CCBE1: variants seen among roughly 807,000 people sequenced by gnomAD.
The protein encoded by CCBE1 is collagen and calcium-binding EGF domain-containing protein 1.
Under a neutral mutation model 50.0 loss-of-function variants are expected in CCBE1, and 37 were observed. That is an observed-to-expected ratio of 0.74 (90% CI 0.57 to 0.97). The LOEUF is 0.97. Ranked by LOEUF, CCBE1 falls within the 50% of genes least tolerant of loss-of-function variation. The pLI is 0.00. For missense variants in CCBE1, 538 were observed against 523.8 expected, an observed-to-expected ratio of 1.03 and a Z score of -0.26; for synonymous variants, 234 against 203.7, an observed-to-expected ratio of 1.15 and a Z score of -1.27.
At chr18:59,534,778 T>A (rs1915184424) in intron 2 of CCBE1, among the ~76,000 whole-genome samples, 1 of 152,230 alleles carries the variant, frequency 6.6e-6, no homozygotes, top group Non-Finnish European at 1.5e-5. Context: ...GCCCCAGATC[T>A]AGAGCTGCGT....
chr18:59,697,595 G>C (rs1023498038), upstream of CCBE1: 1 of 526,014 alleles, frequency 1.9e-6, no homozygotes, highest in Non-Finnish European at 3.4e-6. Flanking sequence ...TCCGGCTGGC[G>C]CGAGGGCCCT....
chr18:59,457,037 G>T (rs1291073555), intron 5 of CCBE1, among the ~76,000 whole-genome samples: 1 of 152,220 alleles, frequency 6.6e-6, no homozygotes, highest in Non-Finnish European at 1.5e-5. Context: ...CAGTGTAATT[G>T]TTGAATATAC....
intron 2 of CCBE1, among the ~76,000 whole-genome samples, chr18:59,493,714 G>A (rs918947103): frequency 4.6e-5 from 7 of 152,120 alleles, no homozygotes; most frequent in Non-Finnish European, 8.8e-5. Context: ...TGGTAAACGA[G>A]CAATGTGGGA....
chr18:59,473,085 T>C lies in CCBE1; in HGVS notation c.266-3478A>G, dbSNP rs115388980. ...TGGGTGGGGACACAGCCAAACCATA[T>C]ATCCATGTCTTTCTCTCTTCCAGTT... On this transcript the variant is annotated intron_variant, in intron 3 of 10. Transcript: ENST00000439986. 7.9e-3 allele frequency among the ~76,000 whole-genome samples: 1,200 copies of C among 152,306 alleles called. 13 individuals carry two copies. The highest frequency in any genetic ancestry group is 0.027 in the African/African-American group (1,141 of 41,560).
chr18:59,451,020 A>C (rs989433107), intron 6 of CCBE1, among the ~76,000 whole-genome samples: 2 of 152,180 alleles, frequency 1.3e-5, no homozygotes, highest in Non-Finnish European at 2.9e-5. Context: ...CTAAATTCTC[A>C]GGCCTGACTG....
intron 2 of CCBE1, among the ~76,000 whole-genome samples, chr18:59,676,911 G>T (rs2054512034): frequency 1.3e-5 from 2 of 152,206 alleles, no homozygotes; most frequent in South Asian, 4.1e-4. Flanking sequence ...GTAATAGCCT[G>T]AGACAGGAAA....
intron 2 of CCBE1, among the ~76,000 whole-genome samples, chr18:59,586,081 G>A (rs2053174113): frequency 6.6e-6 from 1 of 152,174 alleles, no homozygotes; most frequent in Non-Finnish European, 1.5e-5. Context: ...GGTGACATAT[G>A]TACATGTAAA....
chr18:59,671,377 A>T (rs993641943), intron 2 of CCBE1, among the ~76,000 whole-genome samples: 2 of 151,944 alleles, frequency 1.3e-5, no homozygotes, highest in Admixed American at 1.3e-4. Flanking sequence ...AGGCGTCTAT[A>T]GTCCCAGCTG....
chr18:59,465,643 CCT>C (rs1451431543), intron 5 of CCBE1: 1 of 152,162 alleles, frequency 6.6e-6, no homozygotes, highest in Non-Finnish European at 1.5e-5. Flanking sequence ...AAACAAAATT[CCT>C]CTGTCAGATT....
At chr18:59,465,219 C>T (rs932913466) in intron 5 of CCBE1, among the ~76,000 whole-genome samples, 5 of 152,200 alleles carry the variant, frequency 3.3e-5, no homozygotes, top group African/African-American at 1.2e-4. Context: ...TAGGCTGGCA[C>T]TGACAACTTG....
chr18:59,493,678 A>G (rs544422404), intron 2 of CCBE1, among the ~76,000 whole-genome samples: 1 of 152,244 alleles, frequency 6.6e-6, no homozygotes, highest in East Asian at 1.9e-4. Context: ...GTGTTACAGG[A>G]GACACAGATT....
chr18:59,511,674 AC>A (rs1914138160), intron 2 of CCBE1, among the ~76,000 whole-genome samples: 1 of 152,200 alleles, frequency 6.6e-6, no homozygotes, highest in Admixed American at 6.5e-5. Flanking sequence ...AATTATAGTC[AC>A]CCTGCTGATC....
chr18:59,510,788 A>AT (rs1041327580), intron 2 of CCBE1, among the ~76,000 whole-genome samples: 1 of 152,160 alleles, frequency 6.6e-6, no homozygotes, highest in Non-Finnish European at 1.5e-5. Context: ...ATTAAAATAC[A>AT]TTTTTTCCTG....
At chr18:59,479,979 C>T (rs956957991) in intron 3 of CCBE1, among the ~76,000 whole-genome samples, 2 of 152,212 alleles carry the variant, frequency 1.3e-5, no homozygotes, top group African/African-American at 4.8e-5. Context: ...TCAATGTGTG[C>T]AAGCACATCA....
intron 2 of CCBE1, among the ~76,000 whole-genome samples, chr18:59,677,015 A>G (rs538211379): frequency 6.6e-6 from 1 of 152,220 alleles, no homozygotes; most frequent in Non-Finnish European, 1.5e-5. Flanking sequence ...CTCACAGCCC[A>G]GGGTAAGGAA....
At chr18:59,588,473 C>A (rs1349441690) in intron 2 of CCBE1, among the ~76,000 whole-genome samples, 1 of 152,164 alleles carries the variant, frequency 6.6e-6, no homozygotes, top group Admixed American at 6.5e-5. Context: ...CAGATTATAA[C>A]CTCCTAATAC....
chr18:59,650,213 A>G (rs747336494), intron 2 of CCBE1, among the ~76,000 whole-genome samples: 15 of 151,956 alleles, frequency 9.9e-5, no homozygotes, highest in Non-Finnish European at 2.1e-4. Flanking sequence ...TTCTTTTAAA[A>G]ATAAATAAAC....
At chr18:59,546,401 A>G (rs1915683892) in intron 2 of CCBE1, among the ~76,000 whole-genome samples, 1 of 152,214 alleles carries the variant, frequency 6.6e-6, no homozygotes, top group Non-Finnish European at 1.5e-5. Flanking sequence ...TTTCTGGTCA[A>G]CAGTGAATTA....
intron 2 of CCBE1, among the ~76,000 whole-genome samples, chr18:59,593,822 CA>C (rs1453670085): frequency 6.6e-6 from 1 of 152,234 alleles, no homozygotes; most frequent in African/African-American, 2.4e-5. Context: ...CATGAGTTGA[CA>C]ACCCATTGGT....
Sources: gnomAD v4.1 joint callset for allele counts (sites outside exome capture counted in the v4.1 genomes callset) on GRCh38, gnomAD v4.1.1 for gene constraint, MANE v1.5 for transcripts, NCBI Gene and HGNC (gene_info 2026-07-23, HGNC 2026-07-21) for gene names.